CDYL: variants seen among roughly 807,000 people sequenced by gnomAD.
CDYL encodes the protein chromodomain Y-like protein.
A neutral mutation model predicts 47.3 loss-of-function variants in CDYL; 8 were observed. The observed-to-expected ratio is 0.17, with a 90% CI of 0.10 to 0.31. The LOEUF (loss-of-function observed/expected upper bound fraction) is 0.31, where lower values mean the gene tolerates loss of function less well. CDYL is among the 10% of genes least tolerant of loss of function. The pLI, the probability that CDYL is intolerant of heterozygous loss-of-function variation, is 1.00. For missense variants in CDYL, 471 were observed against 701.4 expected (o/e 0.67, Z 3.71); for synonymous variants, 266 against 265.0 (o/e 1.00, Z -0.04).
In CDYL at chr6:4,953,894, G is replaced by T. The variant is rs1758788140; in HGVS notation, c.1477-4G>T. Reference sequence around the variant, plus strand: ...GCTAACTGGCTGCTTGTTTTCCGGTGCAGGTGCTTGAGGAATCCAAAGCCC... The same window carrying T: ...GCTAACTGGCTGCTTGTTTTCCGGTTCAGGTGCTTGAGGAATCCAAAGCCC... On this transcript the variant is annotated splice_polypyrimidine_tract_variant and splice_region_variant and intron_variant, in intron 6 of 6. Coordinates refer to ENST00000397588, the MANE Select transcript of CDYL (RefSeq NM_004824.4). 6.2e-7 allele frequency: 1 copy of T among 1,610,090 alleles called. No homozygotes were observed. The highest frequency in any genetic ancestry group is 1.7e-5 in the Admixed American group (1 of 59,856).
chr6:4,934,202 A>C (rs6597098), intron 2 of CDYL, among the ~76,000 whole-genome samples: 146,389 of 152,186 alleles, frequency 0.96, 70,549 homozygotes, highest in East Asian at 1. Context: ...AACCCAGCCC[A>C]AGTGGCTAAG....
At chr6:4,815,209 A>G (rs1581184677) in intron 1 of CDYL, among the ~76,000 whole-genome samples, 1 of 152,224 alleles carries the variant, frequency 6.6e-6, no homozygotes, top group South Asian at 2.1e-4. Context: ...ATGCCTGAAT[A>G]TGTATGTATG....
chr6:4,881,346 G>C (rs1194074682), intron 1 of CDYL, among the ~76,000 whole-genome samples: 1 of 151,856 alleles, frequency 6.6e-6, no homozygotes, highest in Non-Finnish European at 1.5e-5. Context: ...TATGGTTTCT[G>C]TTTTTGCCTT....
chr6:4,743,314 C>T (rs1196099209), intron 3 of CDYL, among the ~76,000 whole-genome samples: 1 of 152,186 alleles, frequency 6.6e-6, no homozygotes, highest in African/African-American at 2.4e-5. Flanking sequence ...TATTTTTCAT[C>T]CTACAAGACT....
intron 1 of CDYL, among the ~76,000 whole-genome samples, chr6:4,779,664 G>A (rs1034069546): frequency 6.6e-6 from 1 of 152,178 alleles, no homozygotes; most frequent in Non-Finnish European, 1.5e-5. Flanking sequence ...CCAGCTGCTA[G>A]GATTGAGGAA....
Position 4,767,272 on chromosome 6 carries a change from A to G in CDYL, c.186+32428A>G, listed in dbSNP as rs1477000443. Reference sequence around the variant, plus strand: ...ATTCATTCATGATAAAAAAAAAAAAAGTTTAGAAAACTAGGATGGAGACTG... The same window carrying G: ...ATTCATTCATGATAAAAAAAAAAAAGGTTTAGAAAACTAGGATGGAGACTG... On this transcript the variant is annotated intron_variant, in intron 3 of 8. Coordinates refer to the CDYL transcript ENST00000328908. Among the ~76,000 whole-genome samples, 5 of 148,200 alleles carry G rather than the reference A, an allele frequency of 3.4e-5. No individual in the cohort carries two copies. The East Asian group carries it at 9.8e-4, about 29-fold the overall frequency.
intron 1 of CDYL, among the ~76,000 whole-genome samples, chr6:4,881,016 A>G (rs534654524): frequency 2.0e-5 from 3 of 152,024 alleles, no homozygotes; most frequent in Admixed American, 2.0e-4. Context: ...ATTTTCTTTT[A>G]CCATTCTTTT....
chr6:4,912,050 T>A (rs1757429146), intron 2 of CDYL, among the ~76,000 whole-genome samples: 2 of 152,200 alleles, frequency 1.3e-5, no homozygotes, highest in Admixed American at 6.5e-5. Flanking sequence ...TTGATTTATA[T>A]CACTCTCAGT....
chr6:4,950,527 A>T (rs566466001), intron 5 of CDYL, among the ~76,000 whole-genome samples: 2 of 152,330 alleles, frequency 1.3e-5, no homozygotes, highest in Non-Finnish European at 2.9e-5. Context: ...GACAAGGACT[A>T]TCAGAACCAC....
chr6:4,871,789 C>T (rs1423693341), intron 1 of CDYL, among the ~76,000 whole-genome samples: 1 of 152,192 alleles, frequency 6.6e-6, no homozygotes, highest in Non-Finnish European at 1.5e-5. Context: ...CTGCTAAGTA[C>T]CCCTAGTCTG....
intron 3 of CDYL, among the ~76,000 whole-genome samples, chr6:4,735,389 A>G (rs1757684733): frequency 6.6e-6 from 1 of 152,194 alleles, no homozygotes; most frequent in Non-Finnish European, 1.5e-5. Flanking sequence ...TATCACAATC[A>G]TTTGAAAATG....
intron 2 of CDYL, among the ~76,000 whole-genome samples, chr6:4,894,921 A>C (rs1199489768): frequency 1.6e-5 from 1 of 63,718 alleles, no homozygotes; most frequent in African/African-American, 5.2e-5. Context: ...GTATATATAC[A>C]CATATGTATG....
At chr6:4,712,634 C>T (rs994938773) in intron 1 of CDYL, among the ~76,000 whole-genome samples, 6 of 152,222 alleles carry the variant, frequency 3.9e-5, no homozygotes, top group African/African-American at 1.4e-4. Context: ...TTCACTATCA[C>T]GTATACCCCC....
intron 1 of CDYL, among the ~76,000 whole-genome samples, chr6:4,793,552 T>TG (rs1758988108): frequency 6.6e-6 from 1 of 152,134 alleles, no homozygotes; most frequent in Non-Finnish European, 1.5e-5. Context: ...TGTAGTAAGA[T>TG]GGGAAGCCAT....
chr6:4,935,629 C>T lies in CDYL; in HGVS notation c.806C>T (p.Pro269Leu), dbSNP rs776974579. ...TTTATTGACGACAGAAGAGACCAGC[C>T]TTTTGACAAGCGATTGCGTTTCAGC... ...RKFIDDRRDQ[P>L]FDKRLRFSVR... The change falls in exon 3 of 7, where the codon CCT becomes CTT. Residue 269 changes from proline to leucine, a missense_variant. Coordinates refer to ENST00000397588, the MANE Select transcript of CDYL (RefSeq NM_004824.4). The T allele has an allele frequency of 6.2e-7, 1 of 1,614,218 alleles. No homozygotes were observed. Among genetic ancestry groups the T allele is most frequent in the Non-Finnish European group, 8.5e-7 (1 of 1,180,048 alleles).
At chr6:4,843,740 T>G (rs1760572705) in intron 1 of CDYL, among the ~76,000 whole-genome samples, 1 of 152,174 alleles carries the variant, frequency 6.6e-6, no homozygotes, top group East Asian at 1.9e-4. Context: ...TGTATCATTT[T>G]TATGGTTTTA....
intron 3 of CDYL, among the ~76,000 whole-genome samples, chr6:4,751,734 G>A (rs537636571): frequency 2.6e-5 from 4 of 152,274 alleles, no homozygotes; most frequent in South Asian, 2.1e-4. Context: ...AGTCAATTTC[G>A]TTTTTAAAAC....
At chr6:4,858,795 G>A (rs1761084621) in intron 1 of CDYL, among the ~76,000 whole-genome samples, 1 of 152,224 alleles carries the variant, frequency 6.6e-6, no homozygotes, top group Non-Finnish European at 1.5e-5. Context: ...CCTTGACAGA[G>A]TGACTTAACC....
chr6:4,834,235 T>C (rs1581198689), intron 1 of CDYL, among the ~76,000 whole-genome samples: 1 of 152,168 alleles, frequency 6.6e-6, no homozygotes, highest in South Asian at 2.1e-4. Flanking sequence ...CCATGTTTAG[T>C]GCTTCTTTCA....
Sources: allele counts gnomAD v4.1 joint callset (sites outside exome capture counted in the v4.1 genomes callset), GRCh38; gene constraint gnomAD v4.1.1; transcripts MANE v1.5; gene names NCBI Gene and HGNC (gene_info 2026-07-23, HGNC 2026-07-21).